Variants in GTF2F2 observed in about 807,000 individuals in gnomAD.
GTF2F2 encodes general transcription factor IIF subunit 2.
In GTF2F2, 23 loss-of-function variants were observed where a neutral mutation model predicts 42.2. That is an observed-to-expected ratio of 0.55 (90% CI 0.39 to 0.77). The LOEUF is 0.77. Among genes scored for constraint, GTF2F2 ranks in the 30% least tolerant of loss-of-function variants. The pLI is 0.00. For synonymous variants in GTF2F2, 105 were observed against 100.8 expected (o/e 1.04, Z -0.25); for missense variants, 261 against 287.2 (o/e 0.91, Z 0.66).
At chr13:45,217,085 G>A (rs1873921605) in intron 5 of GTF2F2, among the ~76,000 whole-genome samples, 1 of 151,694 alleles carries the variant, frequency 6.6e-6, no homozygotes, top group Non-Finnish European at 1.5e-5. Flanking sequence ...TGAATCATGA[G>A]GTCAGGAGTT....
At chr13:45,124,144 G>A (rs1002263696) in intron 1 of GTF2F2, 5 of 609,862 alleles carry the variant, frequency 8.2e-6, no homozygotes, top group Admixed American at 5.9e-5. Flanking sequence ...CTAAGGTGGC[G>A]CGATCTCGGC....
chr13:45,156,342 T>C (rs1255457669), intron 4 of GTF2F2, among the ~76,000 whole-genome samples: 1 of 152,196 alleles, frequency 6.6e-6, no homozygotes, highest in East Asian at 1.9e-4. Context: ...GAGCTGGACC[T>C]TGAAGTATAT....
intron 5 of GTF2F2, among the ~76,000 whole-genome samples, chr13:45,211,011 A>G (rs1193014929): frequency 2.0e-5 from 3 of 152,324 alleles, no homozygotes; most frequent in East Asian, 1.9e-4. Context: ...GGTAGAGCCA[A>G]TAGGACTTAA....
In GTF2F2 at chr13:45,260,101, A is replaced by G. The variant is rs75148988; in HGVS notation, c.486+7131A>G. Among the ~76,000 whole-genome samples, 189 of 152,210 alleles carry G rather than the reference A, an allele frequency of 1.2e-3. 2 individuals are homozygous for G. Among genetic ancestry groups the G allele is most frequent in the African/African-American group, 4.5e-3 (186 of 41,534 alleles). On this transcript the variant is annotated intron_variant, in intron 6 of 7. Coordinates refer to ENST00000340473, the MANE Select transcript of GTF2F2 (RefSeq NM_004128.3). ...TACTTAGTAAACTGGTTGTTGAGGT[A>G]AACCCCCAGGAACTAGAAAGGAAAT...
In GTF2F2 at chr13:45,120,642, C is replaced by T. The variant is rs1333349658; in HGVS notation, c.-14C>T. On this transcript the variant is annotated 5_prime_UTR_variant, in exon 1 of 8. Coordinates refer to ENST00000340473, the MANE Select transcript of GTF2F2 (RefSeq NM_004128.3). ...CGCTGCTGCATCCCGCACGCCTCCA[C>T]CGGCTGCAGACCCATGGCCGAGCGC... 2 of 1,553,656 alleles carry T rather than the reference C, an allele frequency of 1.3e-6. No homozygotes were observed. Among genetic ancestry groups the T allele is most frequent in the African/African-American group, 2.7e-5 (2 of 73,532 alleles).
intron 4 of GTF2F2, 127 bp from the exon 5 acceptor site, chr13:45,207,297 T>TAG (rs889309369): frequency 1.4e-5 from 9 of 621,280 alleles, no homozygotes; most frequent in Non-Finnish European, 1.4e-5. Flanking sequence ...TCCTGAAACT[T>TAG]AACTATTTTT....
intron 2 of GTF2F2, among the ~76,000 whole-genome samples, chr13:45,139,359 T>C (rs1869797406): frequency 6.6e-6 from 1 of 152,232 alleles, no homozygotes; most frequent in Non-Finnish European, 1.5e-5. Context: ...CACACCTCTC[T>C]CTCTGTCCAC....
chr13:45,270,486 T>C (rs1566157556), intron 7 of GTF2F2, among the ~76,000 whole-genome samples: 1 of 152,132 alleles, frequency 6.6e-6, no homozygotes, highest in Non-Finnish European at 1.5e-5. Flanking sequence ...GCGTGCTAGC[T>C]CAGGTCTCTC....
At chr13:45,183,317 A>T (rs1176882935) in intron 4 of GTF2F2, among the ~76,000 whole-genome samples, 2 of 152,116 alleles carry the variant, frequency 1.3e-5, no homozygotes, top group Non-Finnish European at 2.9e-5. Flanking sequence ...GGAAGTTCCT[A>T]GGTAAGAAGT....
intron 5 of GTF2F2, among the ~76,000 whole-genome samples, chr13:45,220,179 G>T (rs1272406737): frequency 6.6e-6 from 1 of 152,168 alleles, no homozygotes; most frequent in Non-Finnish European, 1.5e-5. Flanking sequence ...CCTACAAGCT[G>T]CCCAGGGTTT....
intron 5 of GTF2F2, among the ~76,000 whole-genome samples, chr13:45,217,478 GC>G (rs1873944708): frequency 6.6e-6 from 1 of 152,012 alleles, no homozygotes; most frequent in Non-Finnish European, 1.5e-5. Flanking sequence ...TAGATTGTGA[GC>G]CCCTTGAGGT....
chr13:45,131,163 G>A (rs1276934098), intron 1 of GTF2F2, among the ~76,000 whole-genome samples: 3 of 151,606 alleles, frequency 2.0e-5, no homozygotes. Context: ...AGCCGAGATC[G>A]CGCCATTGCA....
intron 1 of GTF2F2, among the ~76,000 whole-genome samples, chr13:45,125,972 T>G (rs1868972898): frequency 6.6e-6 from 1 of 152,136 alleles, no homozygotes; most frequent in South Asian, 2.1e-4. Context: ...CCCCAGTAAG[T>G]GGGCGTGACC....
chr13:45,238,063 C>T (rs1875080960), intron 5 of GTF2F2, among the ~76,000 whole-genome samples: 1 of 152,194 alleles, frequency 6.6e-6, no homozygotes, highest in African/African-American at 2.4e-5. Flanking sequence ...AAGCCATTCG[C>T]CTGCCTCAGC....
At chr13:45,231,454 A>G (rs1230948293) in intron 5 of GTF2F2, among the ~76,000 whole-genome samples, 1 of 152,204 alleles carries the variant, frequency 6.6e-6, no homozygotes, top group African/African-American at 2.4e-5. Context: ...TGAAATATGT[A>G]CAGAAATTCT....
Position 45,169,749 on chromosome 13 carries a change from G to A in GTF2F2, c.304+17918G>A, listed in dbSNP as rs535558829. On this transcript the variant is annotated intron_variant, in intron 4 of 7. Transcript: ENST00000340473. The stretch of plus-strand genomic sequence containing the variant: ...ACCACTCAGGTAACAAAAGAACATC[G>A]TCAGCTATGCTTTGATTTTTGAATC... Among the ~76,000 whole-genome samples, 9 of 152,074 alleles carry A rather than the reference G, an allele frequency of 5.9e-5. 1 individual carries two copies. In the South Asian group the frequency reaches 1.2e-3, roughly 21 times the overall value.
chr13:45,216,534 TG>T (rs1873896619), intron 5 of GTF2F2, among the ~76,000 whole-genome samples: 1 of 152,146 alleles, frequency 6.6e-6, no homozygotes. Flanking sequence ...TTTTTGTTTT[TG>T]AGATAGAGTC....
At chr13:45,274,913 A>C (rs1212010030) in intron 7 of GTF2F2, among the ~76,000 whole-genome samples, 1 of 149,614 alleles carries the variant, frequency 6.7e-6, no homozygotes, top group Admixed American at 6.7e-5. Context: ...CCCTGTCTCA[A>C]AAAAAAAAAA....
chr13:45,141,593 A>C (rs1869930580), intron 2 of GTF2F2, among the ~76,000 whole-genome samples: 1 of 152,196 alleles, frequency 6.6e-6, no homozygotes, highest in African/African-American at 2.4e-5. Context: ...TACTAGGCTG[A>C]TTTATGAGCT....
Sources: gnomAD v4.1 joint callset for allele counts (sites outside exome capture counted in the v4.1 genomes callset) on GRCh38, gnomAD v4.1.1 for gene constraint, MANE v1.5 for transcripts, NCBI Gene and HGNC (gene_info 2026-07-23, HGNC 2026-07-21) for gene names.